The following TUT4 variants were observed in gnomAD, a reference collection of about 807,000 sequenced individuals.
TUT4 encodes the protein terminal uridylyltransferase 4.
Under a neutral mutation model 192.2 loss-of-function variants are expected in TUT4, and 36 were observed. That is an observed-to-expected ratio of 0.19 (90% CI 0.14 to 0.25). TUT4 has a LOEUF of 0.25. Ranked by LOEUF, TUT4 falls within the 10% of genes least tolerant of loss-of-function variation. The pLI is 1.00. For synonymous variants in TUT4, 618 were observed against 666.0 expected, an observed-to-expected ratio of 0.93 and a Z score of 1.11; for missense variants, 1,493 against 1,957.2, an observed-to-expected ratio of 0.76 and a Z score of 4.47.
chr1:52,431,126 A>G lies in TUT4; in HGVS notation c.4598T>C (p.Phe1533Ser). ...NIGLNDPSIIFAQPAARPVAI... is the reference protein window; with the variant it reads ...NIGLNDPSIISAQPAARPVAI... ...CACAGGTCTGGCAGCAGGCTGTGCA[A>G]AGATGATGCTGGGATCATTTAGGCC... The change falls in exon 28 of 30, where the codon TTT becomes TCT. Residue 1533 changes from phenylalanine (F) to serine (S), a missense_variant. Physicochemically the swap from Phe to Ser is radical, Grantham distance 155 (BLOSUM62 -2). Transcript: ENST00000257177. 6.2e-7 allele frequency: 1 copy of G among 1,614,250 alleles called. No homozygotes were observed. The highest frequency in any genetic ancestry group is 8.5e-7 in the Non-Finnish European group (1 of 1,180,038).
intron 3 of TUT4, among the ~76,000 whole-genome samples, chr1:52,513,584 T>C (rs755258681): frequency 4.6e-5 from 7 of 152,096 alleles, no homozygotes; most frequent in Non-Finnish European, 1.0e-4. Flanking sequence ...TTACTGACTA[T>C]ATAAATTGAA....
At chr1:52,497,358 G>C (rs1057063225) in intron 4 of TUT4, among the ~76,000 whole-genome samples, 175 bp from the exon 5 acceptor site, 1 of 152,208 alleles carries the variant, frequency 6.6e-6, no homozygotes, top group African/African-American at 2.4e-5. Flanking sequence ...GGGAAGCAGG[G>C]TTTTGAGAAT....
In TUT4 at chr1:52,515,948, C is replaced by T. The variant is rs1557916401; in HGVS notation, c.825G>A (p.Leu275=). 1 of 1,613,574 alleles carries T rather than the reference C, an allele frequency of 6.2e-7. No individual in the cohort carries two copies. The highest frequency in any genetic ancestry group is 8.5e-7 in the Non-Finnish European group (1 of 1,179,932). ...DESALTPEQR[L]GLKQAEERLE... ...AGCGTTCTTCTGCTTGTTTCAACCC[C>T]AGCCTCTGCTCAGGTGTCAATGCAG... The change falls in exon 3 of 30, where the codon CTG becomes CTA. Residue 275 remains leucine, a synonymous_variant. Coordinates refer to ENST00000257177, the MANE Select transcript of TUT4 (RefSeq NM_001009881.3).
intron 1 of TUT4, among the ~76,000 whole-genome samples, chr1:52,539,137 T>TA (rs1372111924): frequency 6.6e-6 from 1 of 152,076 alleles, no homozygotes; most frequent in African/African-American, 2.4e-5. Context: ...AGGGATAGAT[T>TA]AAAAAAACTA....
chr1:52,548,028 G>GA (rs960114474), intron 1 of TUT4, among the ~76,000 whole-genome samples: 135 of 151,970 alleles, frequency 8.9e-4, no homozygotes, highest in African/African-American at 3.1e-3. Context: ...GAAAAAAGGG[G>GA]AAAAAAATAC....
At chr1:52,462,963 C>T (rs1663043645) in intron 16 of TUT4, 1 of 985,374 alleles carries the variant, frequency 1.0e-6, no homozygotes, top group Admixed American at 6.1e-5. Flanking sequence ...AGAGCAGGAG[C>T]CATTGCAGCT....
intron 13 of TUT4, among the ~76,000 whole-genome samples, chr1:52,474,013 C>A (rs1055097897): frequency 2.0e-5 from 3 of 152,152 alleles, no homozygotes; most frequent in Non-Finnish European, 2.9e-5. Flanking sequence ...TCGAGACCAG[C>A]CTGGGCAACA....
chr1:52,468,456 T>C (rs187566088), intron 14 of TUT4, 189 bp from the exon 15 acceptor site: 2 of 495,996 alleles, frequency 4.0e-6, no homozygotes, highest in East Asian at 3.5e-5. Context: ...ACTGTTTTTC[T>C]GTTTTAGCAA....
chr1:52,431,206 C>A lies in TUT4; in HGVS notation c.4518G>T (p.Trp1506Cys). The A allele has an allele frequency of 1.2e-6, 2 of 1,614,148 alleles. No homozygotes were observed. The highest frequency in any genetic ancestry group is 1.7e-6 in the Non-Finnish European group (2 of 1,180,030). ...MHPLQIPAPS[W>C]PIHGPVIHSA... Reference sequence around the variant, plus strand: ...AGTGGATCACTGGGCCATGGATGGGCCAGGACGGGGCAGGGATCTGGAGAG... The same window carrying A: ...AGTGGATCACTGGGCCATGGATGGGACAGGACGGGGCAGGGATCTGGAGAG... Residue 1506 changes from tryptophan (W) to cysteine (C), a missense_variant, in exon 28 of 30, where the codon TGG becomes TGT. Around this residue, in one of 7 missense-constraint regions of TUT4, gnomAD observed 351 missense variants for 397.8 expected, o/e 0.88. Transcript: ENST00000257177.
chr1:52,440,925 G>A (rs1040370147), intron 24 of TUT4, among the ~76,000 whole-genome samples: 1 of 152,058 alleles, frequency 6.6e-6, no homozygotes, highest in Admixed American at 6.6e-5. Flanking sequence ...TATTTTGGAG[G>A]GAGATAACAG....
chr1:52,507,253 G>A (rs1244528432), intron 4 of TUT4, among the ~76,000 whole-genome samples: 2 of 152,166 alleles, frequency 1.3e-5, no homozygotes, highest in African/African-American at 4.8e-5. Context: ...TTCTTTTTGT[G>A]CAGTTTTCTC....
intron 1 of TUT4, among the ~76,000 whole-genome samples, chr1:52,539,838 G>A (rs542543118): frequency 2.2e-4 from 34 of 151,792 alleles, no homozygotes; most frequent in South Asian, 1.0e-3. Context: ...ACCAGGAGGC[G>A]GGGGTTGCAG....
intron 28 of TUT4, among the ~76,000 whole-genome samples, chr1:52,427,787 G>C (rs984636771): frequency 2.0e-5 from 3 of 152,236 alleles, no homozygotes; most frequent in Admixed American, 1.3e-4. Flanking sequence ...TGATGAATTT[G>C]ATAATGGGTA....
At chr1:52,474,517 A>C (rs1297046644) in intron 13 of TUT4, among the ~76,000 whole-genome samples, 2 of 152,182 alleles carry the variant, frequency 1.3e-5, no homozygotes, top group Admixed American at 1.3e-4. Context: ...GTTGGGGAAA[A>C]AAATACAAAA....
chr1:52,531,879 T>C (rs1683518692), intron 1 of TUT4, among the ~76,000 whole-genome samples: 1 of 147,736 alleles, frequency 6.8e-6, no homozygotes. Flanking sequence ...GACTGTCTTT[T>C]CTCATCTTTT....
At chr1:52,431,551 A>AAT (rs1166357784) in intron 27 of TUT4, 91 bp from the exon 28 acceptor site, 1 of 1,050,456 alleles carries the variant, frequency 9.5e-7, no homozygotes, top group African/African-American at 1.6e-5. Context: ...AAAACTTTAT[A>AAT]AAACAGAACT....
At chr1:52,450,379 C>G (rs557463530) in intron 20 of TUT4, among the ~76,000 whole-genome samples, 7 of 152,072 alleles carry the variant, frequency 4.6e-5, no homozygotes, top group Non-Finnish European at 7.4e-5. Flanking sequence ...CAAAGTCCCC[C>G]GAAATCAAAC....
intron 1 of TUT4, among the ~76,000 whole-genome samples, chr1:52,547,156 C>CA (rs1053191045): frequency 1.6e-4 from 22 of 134,786 alleles, no homozygotes; most frequent in African/African-American, 3.1e-4. Context: ...AAGACTGTCT[C>CA]AAAAAAAAAA....
rs1668452660 is a variant in TUT4 at position 52,481,410 on chromosome 1, C to T, written c.1848+13G>A. ...AGATAGAAAAGCCAAAAAACAAAAA[C>T]AAAAAGGCTTACTTTGCCATGTTTT... On this transcript the variant is annotated intron_variant, in intron 11 of 29. Coordinates refer to ENST00000257177, the MANE Select transcript of TUT4 (RefSeq NM_001009881.3). The T allele has an allele frequency of 6.2e-7, 1 of 1,612,080 alleles. No individual in the cohort carries two copies.
Sources: gnomAD v4.1 joint callset for allele counts (sites outside exome capture counted in the v4.1 genomes callset) on GRCh38, gnomAD v4.1.1 for gene constraint, gnomAD v4.1.1 regional missense constraint, MANE v1.5 for transcripts, NCBI Gene and HGNC (gene_info 2026-07-23, HGNC 2026-07-21) for gene names.